MYO16: variants seen among roughly 807,000 people sequenced by gnomAD.
MYO16 encodes myosin XVI, also known as unconventional myosin-XVI.
Under a neutral mutation model 205.3 loss-of-function variants are expected in MYO16, and 94 were observed. The observed-to-expected ratio is 0.46, with a 90% CI of 0.39 to 0.54. MYO16 has a LOEUF of 0.54. Among genes scored for constraint, MYO16 ranks in the 20% least tolerant of loss-of-function variants. The pLI is 0.00. For missense variants in MYO16, 2,315 were observed against 2,387.5 expected, an observed-to-expected ratio of 0.97 and a Z score of 0.63; for synonymous variants, 988 against 954.0, an observed-to-expected ratio of 1.04 and a Z score of -0.66.
At chr13:108,651,241 C>T (rs1165838347) in intron 1 of MYO16, among the ~76,000 whole-genome samples, 2 of 152,150 alleles carry the variant, frequency 1.3e-5, no homozygotes, top group African/African-American at 4.8e-5. Context: ...TTGGAGCTGT[C>T]TGTGGCACAA....
At chr13:108,961,202 G>A (rs901195194) in intron 17 of MYO16, among the ~76,000 whole-genome samples, 3 of 152,128 alleles carry the variant, frequency 2.0e-5, no homozygotes, top group Admixed American at 2.0e-4. Context: ...TACAAGTGAA[G>A]CCCAGCCAGT....
chr13:108,562,978 ATTAAT>A, the MYO16 span, among the ~76,000 whole-genome samples: 4 of 152,150 alleles, frequency 2.6e-5, no homozygotes, highest in Admixed American at 2.6e-4. Flanking sequence ...AAATTTTGTT[ATTAAT>A]CTCTAAAGAG....
chr13:109,194,215 A>G (rs1385489443), intron 34 of MYO16, among the ~76,000 whole-genome samples: 1 of 152,206 alleles, frequency 6.6e-6, no homozygotes, highest in Non-Finnish European at 1.5e-5. Context: ...AGTCCTATAG[A>G]ACCCACCACA....
At chr13:108,720,049 G>T (rs1354658936) in intron 3 of MYO16, among the ~76,000 whole-genome samples, 1 of 152,204 alleles carries the variant, frequency 6.6e-6, no homozygotes, top group African/African-American at 2.4e-5. Context: ...GCTGGAAGCT[G>T]CGGCTCTCTG....
intron 28 of MYO16, among the ~76,000 whole-genome samples, chr13:109,105,664 A>C (rs1433834851): frequency 1.7e-4 from 26 of 152,220 alleles, no homozygotes; most frequent in Admixed American, 1.7e-3. Context: ...ATATAGGGTC[A>C]AATTAATTAT....
intron 20 of MYO16, among the ~76,000 whole-genome samples, chr13:108,989,587 T>G (rs1884751675): frequency 1.3e-5 from 2 of 152,182 alleles, no homozygotes; most frequent in South Asian, 4.1e-4. Context: ...ATGTTTCTTT[T>G]TGTAGTTATA....
intron 27 of MYO16, among the ~76,000 whole-genome samples, chr13:109,096,696 G>A (rs544519894): frequency 9.4e-5 from 14 of 149,460 alleles, no homozygotes; most frequent in Admixed American, 6.8e-4. Flanking sequence ...TGCTACATTC[G>A]AAGGCAAGCT....
intron 31 of MYO16, among the ~76,000 whole-genome samples, chr13:109,138,922 A>G (rs1876906772): frequency 6.6e-6 from 1 of 151,996 alleles, no homozygotes; most frequent in Non-Finnish European, 1.5e-5. Context: ...GGTTCAAGCA[A>G]TTCTCCTAAC....
intron 1 of MYO16, among the ~76,000 whole-genome samples, chr13:108,654,793 C>A (rs1881168191): frequency 6.6e-6 from 1 of 152,186 alleles, no homozygotes; most frequent in African/African-American, 2.4e-5. Flanking sequence ...TTGTTGGGAA[C>A]TGGAGCAAAG....
At chr13:108,598,526 G>C (rs376602683) in intron 1 of MYO16, among the ~76,000 whole-genome samples, 63 of 152,274 alleles carry the variant, frequency 4.1e-4, no homozygotes, top group African/African-American at 1.5e-3. Flanking sequence ...GTGATAGGTT[G>C]ACACTTTTTG....
chr13:108,676,435 A>C (rs1222415121), intron 2 of MYO16, among the ~76,000 whole-genome samples: 1 of 148,180 alleles, frequency 6.7e-6, no homozygotes, highest in Non-Finnish European at 1.5e-5. Flanking sequence ...CACTTTATAC[A>C]TATTGTCTCA....
chr13:108,665,786 G>T, intron 1 of MYO16, 100 bp from the exon 2 acceptor site: 1 of 1,235,350 alleles, frequency 8.1e-7, no homozygotes, highest in Non-Finnish European at 1.1e-6. Context: ...TTGCATTTAT[G>T]ACCTGTGCAA....
At chr13:109,112,142 G>A (rs1167163361) in intron 28 of MYO16, among the ~76,000 whole-genome samples, 1 of 152,168 alleles carries the variant, frequency 6.6e-6, no homozygotes, top group Non-Finnish European at 1.5e-5. Context: ...GAGTATACGG[G>A]AAGCTAAAAT....
At chr13:108,520,011 A>C in the MYO16 span, among the ~76,000 whole-genome samples, 1 of 152,176 alleles carries the variant, frequency 6.6e-6, no homozygotes, top group African/African-American at 2.4e-5. Context: ...TTTACAAGAT[A>C]GCAACTTACT....
At chr13:108,689,473 G>A (rs1444563612) in intron 2 of MYO16, among the ~76,000 whole-genome samples, 1 of 151,970 alleles carries the variant, frequency 6.6e-6, no homozygotes, top group Non-Finnish European at 1.5e-5. Flanking sequence ...TTATGATATT[G>A]TATTATAATA....
intron 4 of MYO16, among the ~76,000 whole-genome samples, chr13:108,772,506 G>A (rs1402751755): frequency 1.3e-5 from 2 of 152,118 alleles, no homozygotes; most frequent in East Asian, 3.9e-4. Context: ...TTTTGGCCAT[G>A]TTAATAGGTA....
At chr13:108,590,766 A>G in the MYO16 span, among the ~76,000 whole-genome samples, 1 of 152,082 alleles carries the variant, frequency 6.6e-6, no homozygotes, top group Non-Finnish European at 1.5e-5. Context: ...TAGACCACCA[A>G]AGATTGCCAG....
chr13:108,878,729 C>T lies in MYO16; in HGVS notation c.1426-4330C>T, dbSNP rs185702722. 7.0e-4 allele frequency among the ~76,000 whole-genome samples: 106 copies of T among 152,334 alleles called. 4 individuals are homozygous for T. In the East Asian group the frequency reaches 7.0e-3, roughly 10 times the overall value. The stretch of plus-strand genomic sequence containing the variant: ...GAAGTTGCAGGCACCCACCCCTAGA[C>T]GCTACTATGGGGCCAAAGCCCAAAG... On this transcript the variant is annotated intron_variant, in intron 12 of 34. Transcript: ENST00000457511.
At chr13:108,862,571 T>G (rs944906676) in intron 11 of MYO16, among the ~76,000 whole-genome samples, 1 of 152,168 alleles carries the variant, frequency 6.6e-6, no homozygotes, top group Non-Finnish European at 1.5e-5. Flanking sequence ...TAGGATCTGT[T>G]TTCTTTTGTA....
Sources: gnomAD v4.1 joint callset for allele counts (sites outside exome capture counted in the v4.1 genomes callset) on GRCh38, gnomAD v4.1.1 for gene constraint, MANE v1.5 for transcripts, NCBI Gene and HGNC (gene_info 2026-07-23, HGNC 2026-07-21) for gene names.